CLASP2: variants seen among roughly 807,000 people sequenced by gnomAD.
CLASP2 encodes the protein cytoplasmic linker associated protein 2, also known as CLIP-associating protein 2.
CLASP2 carries 47 observed loss-of-function variants against 194.4 expected under a neutral mutation model. The ratio of observed to expected loss-of-function variants is 0.24; its 90% CI spans 0.19 to 0.31. The LOEUF is 0.31. Among genes scored for constraint, CLASP2 ranks in the 10% least tolerant of loss-of-function variants. The pLI, the probability that CLASP2 is intolerant of heterozygous loss-of-function variation, is 1.00. For synonymous variants in CLASP2, 619 were observed against 633.5 expected (o/e 0.98, Z 0.34); for missense variants, 1,445 against 1,823.6 (o/e 0.79, Z 3.78).
intron 34 of CLASP2, among the ~76,000 whole-genome samples, chr3:33,531,173 GCAA>G (rs1204194583): frequency 6.6e-6 from 1 of 151,954 alleles, no homozygotes; most frequent in African/African-American, 2.4e-5. Flanking sequence ...AAAGGCACAG[GCAA>G]CAACAACAAA....
intron 29 of CLASP2, among the ~76,000 whole-genome samples, chr3:33,552,113 A>T (rs1410126960): frequency 6.8e-6 from 1 of 146,824 alleles, no homozygotes; most frequent in Non-Finnish European, 1.5e-5. Flanking sequence ...GTGTGGGTTT[A>T]TAATTTTTTT....
intron 6 of CLASP2, among the ~76,000 whole-genome samples, chr3:33,669,652 A>G (rs1027014298): frequency 2.6e-5 from 4 of 152,168 alleles, no homozygotes; most frequent in African/African-American, 9.6e-5. Context: ...AATGGCTGAT[A>G]AACAGATTAA....
chr3:33,632,611 A>T (rs1577491890), intron 8 of CLASP2, among the ~76,000 whole-genome samples: 1 of 152,324 alleles, frequency 6.6e-6, no homozygotes, highest in Middle Eastern at 3.4e-3. Flanking sequence ...TGTTAAGAAC[A>T]CAGCCCTGAA....
At chr3:33,668,418 C>T (rs1017759021) in intron 6 of CLASP2, among the ~76,000 whole-genome samples, 5 of 152,044 alleles carry the variant, frequency 3.3e-5, no homozygotes, top group Admixed American at 2.6e-4. Flanking sequence ...AAAACTATGC[C>T]TTCTAAACAT....
At chr3:33,713,720 G>A (rs2093150297) in intron 1 of CLASP2, among the ~76,000 whole-genome samples, 1 of 151,490 alleles carries the variant, frequency 6.6e-6, no homozygotes, top group Non-Finnish European at 1.5e-5. Context: ...GTCTGGCTCT[G>A]TTGCCCAGGC....
At chr3:33,554,359 C>T (rs556750168) in intron 29 of CLASP2, among the ~76,000 whole-genome samples, 2 of 151,816 alleles carry the variant, frequency 1.3e-5, no homozygotes, top group African/African-American at 2.4e-5. Flanking sequence ...TTTGTGATAA[C>T]GAAGATGAAC....
chr3:33,529,686 A>T (rs1039586485), intron 34 of CLASP2, among the ~76,000 whole-genome samples: 3 of 152,208 alleles, frequency 2.0e-5, no homozygotes, highest in African/African-American at 7.2e-5. Flanking sequence ...ATCTTGTCCC[A>T]CTAAAAGATC....
chr3:33,510,474 C>A, intron 37 of CLASP2, 84 bp downstream of exon 37: 1 of 1,242,578 alleles, frequency 8.0e-7, no homozygotes, highest in East Asian at 2.4e-5. Context: ...CTTGATCATG[C>A]CAGTAATGAT....
intron 24 of CLASP2, among the ~76,000 whole-genome samples, chr3:33,575,804 CAAAGTAAAATAATTCCT>C (rs1489090281): frequency 6.6e-6 from 1 of 151,968 alleles, no homozygotes; most frequent in Non-Finnish European, 1.5e-5. Context: ...AATCCAGCCC[CAAAGTAAAATAATTCCT>C]AAATACCAAA....
chr3:33,513,824 A>G (rs1389133405), intron 36 of CLASP2, among the ~76,000 whole-genome samples: 2 of 152,138 alleles, frequency 1.3e-5, no homozygotes, highest in Non-Finnish European at 2.9e-5. Context: ...TGTCCATTTA[A>G]AAAACTGGGC....
intron 25 of CLASP2, among the ~76,000 whole-genome samples, chr3:33,571,675 G>C (rs926476535): frequency 1.4e-4 from 22 of 151,816 alleles, no homozygotes; most frequent in Non-Finnish European, 3.1e-4. Context: ...AATCAGCTGG[G>C]TGTGGTGGTG....
intron 34 of CLASP2, 44 bp downstream of exon 34, chr3:33,535,189 C>G (rs1488842677): frequency 1.5e-6 from 2 of 1,347,584 alleles, no homozygotes; most frequent in Admixed American, 3.9e-5. Flanking sequence ...CATCAATTAC[C>G]AAGTTCTCCA....
intron 2 of CLASP2, among the ~76,000 whole-genome samples, chr3:33,691,192 C>T (rs1379687120): frequency 6.6e-6 from 1 of 152,014 alleles, no homozygotes; most frequent in Non-Finnish European, 1.5e-5. Context: ...GGAACACAGC[C>T]CCTGAAGATA....
chr3:33,538,963 A>G (rs759130943), intron 32 of CLASP2, 21 bp from the exon 33 acceptor site: 4 of 1,531,160 alleles, frequency 2.6e-6, no homozygotes, highest in Non-Finnish European at 3.5e-6. Flanking sequence ...GACGACACTA[A>G]TTTTTACTTA....
chr3:33,700,994 T>C (rs907271044), intron 1 of CLASP2, among the ~76,000 whole-genome samples: 1 of 152,068 alleles, frequency 6.6e-6, no homozygotes, highest in Non-Finnish European at 1.5e-5. Flanking sequence ...AAGATCTACA[T>C]GCTGAAATCA....
At chr3:33,608,161 T>C (rs1411817718) in intron 14 of CLASP2, among the ~76,000 whole-genome samples, 1 of 152,206 alleles carries the variant, frequency 6.6e-6, no homozygotes, top group African/African-American at 2.4e-5. Context: ...TGACAGCTGG[T>C]GTGGAGAAAC....
chr3:33,652,730 C>T (rs1349744666), intron 7 of CLASP2, among the ~76,000 whole-genome samples: 1 of 152,136 alleles, frequency 6.6e-6, no homozygotes, highest in Non-Finnish European at 1.5e-5. Flanking sequence ...ATCTCCAAGC[C>T]ACTCTAATTT....
In CLASP2 at chr3:33,516,107, T is replaced by C. The variant is rs768582958; in HGVS notation, c.4026A>G (p.Leu1342=). Residue 1342 remains leucine, a synonymous_variant, in exon 36 of 39, where the codon CTA becomes CTG. Coordinates refer to ENST00000682230, the MANE Select transcript of CLASP2 (RefSeq NM_001365631.1). ...TTTTAAATCTTGCTGGTTGATGCCT[T>C]AGGATTTCTCTTAAAACCTTTAATG... ...ALALKVLREI[L]RHQPARFKNY... 2 of 1,609,986 alleles carry C rather than the reference T, an allele frequency of 1.2e-6. No homozygotes were observed.
At chr3:33,714,634 T>C (rs1380751243) in intron 1 of CLASP2, among the ~76,000 whole-genome samples, 1 of 152,200 alleles carries the variant, frequency 6.6e-6, no homozygotes, top group Non-Finnish European at 1.5e-5. Context: ...AGCATTGCCA[T>C]TGCTATCAAA....
Sources: gnomAD v4.1 joint callset for allele counts (sites outside exome capture counted in the v4.1 genomes callset) on GRCh38, gnomAD v4.1.1 for gene constraint, MANE v1.5 for transcripts, NCBI Gene and HGNC (gene_info 2026-07-23, HGNC 2026-07-21) for gene names.